The following RP1 variants were observed in gnomAD, a reference collection of about 807,000 sequenced individuals.
RP1 encodes oxygen-regulated protein 1.
Under a neutral mutation model 14.8 loss-of-function variants are expected in RP1, and 16 were observed. The observed-to-expected ratio is 1.08, with a 90% confidence interval of 0.73 to 1.65. The LOEUF (loss-of-function observed/expected upper bound fraction) is 1.65. Among genes scored for constraint, RP1 ranks in the 40% most tolerant of loss-of-function variants. The pLI is 0.00. For missense variants in RP1, 2,631 were observed against 2,535.0 expected, an observed-to-expected ratio of 1.04 and a Z score of -0.81; for synonymous variants, 876 against 883.6, an observed-to-expected ratio of 0.99 and a Z score of 0.15.
At chr8:54,648,282 C>T (rs916491749) in intron 3 of RP1, among the ~76,000 whole-genome samples, 7 of 152,058 alleles carry the variant, frequency 4.6e-5, no homozygotes, top group Middle Eastern at 3.2e-3. Context: ...AGAAACCTGA[C>T]AAAATTAAAT....
chr8:54,850,935 ACT>A (rs1394423761), intron 25 of RP1, among the ~76,000 whole-genome samples: 1 of 151,758 alleles, frequency 6.6e-6, no homozygotes, highest in East Asian at 1.9e-4. Flanking sequence ...AAACTATGTA[ACT>A]CTTTTTGACT....
intron 1 of RP1, among the ~76,000 whole-genome samples, chr8:54,605,765 G>A (rs548550426): frequency 6.6e-6 from 1 of 152,168 alleles, no homozygotes; most frequent in Non-Finnish European, 1.5e-5. Context: ...GGCTCTTCTT[G>A]TTGAATTGAT....
intron 15 of RP1, among the ~76,000 whole-genome samples, chr8:54,713,598 G>T (rs563173954): frequency 1.3e-5 from 2 of 151,940 alleles, no homozygotes; most frequent in Non-Finnish European, 2.9e-5. Context: ...TATATTCTAC[G>T]CATGCAAATT....
intron 19 of RP1, among the ~76,000 whole-genome samples, chr8:54,741,707 G>GTATATATATATATATATATATA (rs372225314): frequency 1.7e-5 from 1 of 58,036 alleles, no homozygotes; most frequent in Non-Finnish European, 3.2e-5. Context: ...AAATGTGTGT[G>GTATATATATATATATATATATA]TATATATATA....
At chr8:54,733,869 G>C (rs962519693) in intron 17 of RP1, among the ~76,000 whole-genome samples, 3 of 152,142 alleles carry the variant, frequency 2.0e-5, no homozygotes, top group African/African-American at 7.2e-5. Flanking sequence ...ATTCTAGCTT[G>C]GGATGTCATG....
intron 1 of RP1, among the ~76,000 whole-genome samples, chr8:54,588,940 C>T (rs1804988763): frequency 6.6e-6 from 1 of 152,152 alleles, no homozygotes; most frequent in African/African-American, 2.4e-5. Flanking sequence ...ATTTCACAGA[C>T]AATACACAAG....
intron 15 of RP1, among the ~76,000 whole-genome samples, chr8:54,709,248 G>A (rs1165515121): frequency 6.6e-6 from 1 of 152,220 alleles, no homozygotes; most frequent in Non-Finnish European, 1.5e-5. Context: ...AACCAGCCTT[G>A]TTGACAGCAT....
At chr8:54,739,626 C>T (rs886570434) in intron 19 of RP1, among the ~76,000 whole-genome samples, 1 of 150,800 alleles carries the variant, frequency 6.6e-6, no homozygotes, top group East Asian at 2.0e-4. Flanking sequence ...CTCGGTGGTG[C>T]ATTTTTTTTT....
intron 7 of RP1, chr8:54,673,729 G>A (rs1807231973): frequency 1.2e-6 from 1 of 800,932 alleles, no homozygotes. Flanking sequence ...GACAGAGGGA[G>A]AGCCTGTCTC....
intron 3 of RP1, among the ~76,000 whole-genome samples, chr8:54,646,881 A>G (rs1386324893): frequency 1.3e-5 from 2 of 152,182 alleles, no homozygotes; most frequent in Non-Finnish European, 2.9e-5. Flanking sequence ...AATTTATTCA[A>G]ACAAGAACTA....
At chr8:54,771,945 C>A (rs1304339207), downstream of RP1, among the ~76,000 whole-genome samples, 1 of 151,830 alleles carries the variant, frequency 6.6e-6, no homozygotes, top group Non-Finnish European at 1.5e-5. Flanking sequence ...TTCTATGTAG[C>A]TTTAGGGGGA....
At chr8:54,774,835 G>A (rs992329526), downstream of RP1, among the ~76,000 whole-genome samples, 1 of 152,092 alleles carries the variant, frequency 6.6e-6, no homozygotes, top group African/African-American at 2.4e-5. Context: ...CTCCTCAATC[G>A]CTTTGTGTTT....
intron 23 of RP1, among the ~76,000 whole-genome samples, chr8:54,779,109 A>C (rs1810118167): frequency 2.0e-5 from 3 of 152,152 alleles, no homozygotes; most frequent in African/African-American, 7.2e-5. Flanking sequence ...GCCAAGTAAG[A>C]AACAAACAAA....
At position 54,625,245 on chromosome 8, in the gene RP1, A is replaced by G; in HGVS notation, c.1363A>G (p.Arg455Gly). The G allele has an allele frequency of 6.2e-7, 1 of 1,614,182 alleles. No homozygotes were observed. Among genetic ancestry groups the G allele is most frequent in the Non-Finnish European group, 8.5e-7 (1 of 1,180,040 alleles). Residue 455 changes from arginine (R) to glycine (G), a missense_variant, in exon 4 of 4, where the codon AGA (arginine) becomes GGA (glycine). Arg to Gly is a moderately radical substitution (Grantham distance 125). Transcript: ENST00000220676. ...RFYRPPTPGL[R>G]RVRQKKSVIG... ...TTATAGGCCCCCTACACCTGGACTA[A>G]GAAGAGTGAGACAAAAGAAATCTGT...
In RP1 at chr8:54,627,390, A is replaced by G. The variant is rs760960016; in HGVS notation, c.3508A>G (p.Ile1170Val). Residue 1170 changes from isoleucine to valine, a missense_variant, in exon 4 of 4, where the codon ATA becomes GTA. Ile to Val is a conservative substitution (Grantham distance 29, BLOSUM62 3). Transcript: ENST00000220676. ...TGCATTGTTGGAGATTCTAAAGCAC[A>G]TAGCTATCACAGAGGAAGCTGATGA... Reference protein sequence around the residue: ...TLALLEILKHIAITEEADDLK... With the variant: ...TLALLEILKHVAITEEADDLK... 8 of 1,614,214 alleles carry G rather than the reference A, an allele frequency of 5.0e-6. No individual in the cohort carries two copies. Among genetic ancestry groups the G allele is most frequent in the Non-Finnish European group, 6.8e-6 (8 of 1,180,002 alleles).
intron 6 of RP1, among the ~76,000 whole-genome samples, chr8:54,658,260 A>G (rs572949163): frequency 2.0e-4 from 31 of 152,232 alleles, no homozygotes; most frequent in African/African-American, 7.5e-4. Context: ...ATTCTTTTTA[A>G]GACTGCGTAG....
At chr8:54,670,594 CAT>C (rs1240059998) in intron 7 of RP1, among the ~76,000 whole-genome samples, 3 of 97,482 alleles carry the variant, frequency 3.1e-5, no homozygotes, top group Non-Finnish European at 4.2e-5. Flanking sequence ...TATATATATA[CAT>C]ATATATGTAT....
At chr8:54,571,859 T>C (rs960958667) in intron 1 of RP1, among the ~76,000 whole-genome samples, 2 of 152,114 alleles carry the variant, frequency 1.3e-5, no homozygotes, top group African/African-American at 2.4e-5. Context: ...TCTGAAGGTG[T>C]CTATATCCAA....
rs1407604630 is a variant in RP1 at position 54,738,995 on chromosome 8, GA to G, written c.2776del (p.Thr926ProfsTer12). ...TATAAGATAAGGATAGGACATGATG[GA>G]ACCAGTGAGCAACCCGAGTGGAACT... On this transcript the variant is annotated frameshift_variant, in exon 19 of 23. Transcript: ENST00000636932. LOFTEE classifies it high-confidence loss of function. 1 of 1,531,464 alleles carries G rather than the reference GA, an allele frequency of 6.5e-7. No individual in the cohort carries two copies. The highest frequency in any genetic ancestry group is 2.4e-5 in the East Asian group (1 of 40,872). 94.9% of individuals were successfully genotyped at this position (1,531,464 alleles called of 1,614,324 possible). A position where few individuals can be genotyped will look rare whatever the true frequency, so the allele number is the denominator to read the frequency against.
Sources: allele counts gnomAD v4.1 joint callset (sites outside exome capture counted in the v4.1 genomes callset), GRCh38; gene constraint gnomAD v4.1.1; transcripts MANE v1.5; gene names NCBI Gene and HGNC (gene_info 2026-07-23, HGNC 2026-07-21).